Variants in SETD2 observed in about 807,000 individuals in gnomAD.
The protein encoded by SETD2 is histone-lysine N-methyltransferase SETD2.
A neutral mutation model predicts 242.1 loss-of-function variants in SETD2; 31 were observed. The observed-to-expected ratio is 0.13, with a 90% CI of 0.10 to 0.17. The LOEUF (loss-of-function observed/expected upper bound fraction) is 0.17, where lower values mean the gene tolerates loss of function less well. Ranked by LOEUF, SETD2 falls within the 10% of genes least tolerant of loss-of-function variation. The pLI, the probability that SETD2 is intolerant of heterozygous loss-of-function variation, is 1.00. For missense variants in SETD2, 2,481 were observed against 3,046.3 expected (o/e 0.81, Z 4.37); for synonymous variants, 1,006 against 1,066.5 (o/e 0.94, Z 1.11).
rs1171883417 is a variant in SETD2 at position 47,077,543 on chromosome 3, C to A, written c.6060+6177G>T. 2.6e-5 allele frequency among the ~76,000 whole-genome samples: 4 copies of A among 152,096 alleles called. No individual in the cohort carries two copies. The South Asian group carries it at 8.3e-4, about 32-fold the overall frequency. On this transcript the variant is annotated intron_variant, in intron 12 of 20. Coordinates refer to ENST00000409792, the MANE Select transcript of SETD2 (RefSeq NM_014159.7). Reference sequence around the variant, plus strand: ...ATGGTGTCAGATTAACAGATGGAAACAAATGATAGATAATAGAGTGGTGAA... The same window carrying A: ...ATGGTGTCAGATTAACAGATGGAAAAAAATGATAGATAATAGAGTGGTGAA...
intron 18 of SETD2, among the ~76,000 whole-genome samples, chr3:47,029,890 T>G (rs1462058469): frequency 1.3e-5 from 2 of 152,166 alleles, no homozygotes; most frequent in Admixed American, 1.3e-4. Flanking sequence ...GCACGACGAC[T>G]CACACCTGTA....
chr3:47,072,971 AAAG>A (rs2040891180), intron 12 of SETD2, among the ~76,000 whole-genome samples: 2 of 150,820 alleles, frequency 1.3e-5, no homozygotes, highest in Non-Finnish European at 3.0e-5. Flanking sequence ...AGAAAGAAAG[AAAG>A]AAAAAAAAAA....
intron 1 of SETD2, among the ~76,000 whole-genome samples, chr3:47,142,564 C>T (rs2043754875): frequency 6.6e-6 from 1 of 151,702 alleles, no homozygotes; most frequent in Non-Finnish European, 1.5e-5. Flanking sequence ...GTATACTGCT[C>T]CGGAATGTAC....
chr3:47,083,630 T>C lies in SETD2; in HGVS notation c.6060+90A>G, dbSNP rs572793502. On this transcript the variant is annotated intron_variant, in intron 12 of 20. Transcript: ENST00000409792. ...GTATTCCATTTTTCAGAAATATGCA[T>C]GGCTAAAAAAAGTAGTTAATTTTGC... 5 of 1,205,596 alleles carry C rather than the reference T, an allele frequency of 4.1e-6. No individual in the cohort carries two copies. The African/African-American group carries it at 4.6e-5, about 11-fold the overall frequency. The allele number at this position is 1,205,596 out of a possible 1,614,324, so 74.7% of individuals were successfully genotyped here. A position where few individuals can be genotyped will look rare whatever the true frequency, so the allele number is the denominator to read the frequency against.
In SETD2 at chr3:47,122,856, A is replaced by T. The variant is rs2106689172; in HGVS notation, c.1780T>A (p.Cys594Ser). 2 of 1,612,836 alleles carry T rather than the reference A, an allele frequency of 1.2e-6. No homozygotes were observed. The highest frequency in any genetic ancestry group is 1.7e-6 in the Non-Finnish European group (2 of 1,179,416). ...ATTCTTAATTCACTACCTTTTGAACAAGGTGTCTGTAAACTAAAAGAATGA... is the reference window on the plus strand; with the variant it reads ...ATTCTTAATTCACTACCTTTTGAACTAGGTGTCTGTAAACTAAAAGAATGA... ...QSHSFSLQTP[C>S]SKGSELRMIN... Residue 594 changes from cysteine (C) to serine (S), a missense_variant, in exon 3 of 21, where the codon TGT (cysteine) becomes AGT (serine). Physicochemically the swap from Cys to Ser is moderately radical, Grantham distance 112 (BLOSUM62 -1). Transcript: ENST00000409792.
chr3:47,025,696 G>C lies in SETD2; in HGVS notation c.7351-5856C>G, dbSNP rs376922344. On this transcript the variant is annotated intron_variant, in intron 18 of 20. Coordinates refer to ENST00000409792, the MANE Select transcript of SETD2 (RefSeq NM_014159.7). ...TCACCTTATCTACCTAGCATACTCA[G>C]TCCTGGTTACCTATAGGTGAAACTG... Among the ~76,000 whole-genome samples the C allele has an allele frequency of 2.6e-4, 40 of 152,156 alleles. 1 individual carries two copies. The highest frequency in any genetic ancestry group is 4.6e-4 in the Admixed American group (7 of 15,276).
intron 12 of SETD2, among the ~76,000 whole-genome samples, chr3:47,070,174 A>G (rs1369728124): frequency 2.6e-5 from 4 of 152,358 alleles, no homozygotes; most frequent in Middle Eastern, 3.4e-3. Context: ...TTAATGTACC[A>G]CCAGAAACGC....
At chr3:47,044,199 C>T (rs923035795) in intron 16 of SETD2, among the ~76,000 whole-genome samples, 2 of 151,186 alleles carry the variant, frequency 1.3e-5, no homozygotes, top group South Asian at 2.1e-4. Flanking sequence ...AAGTATTAGC[C>T]AGGTGTGGTG....
At chr3:47,156,263 A>T (rs1269948882) in intron 1 of SETD2, among the ~76,000 whole-genome samples, 3 of 152,250 alleles carry the variant, frequency 2.0e-5, no homozygotes, top group Non-Finnish European at 2.9e-5. Context: ...ACTGTAATGT[A>T]TTAAACAAAA....
At chr3:47,055,001 AT>A (rs2039995235) in intron 15 of SETD2, among the ~76,000 whole-genome samples, 1 of 152,166 alleles carries the variant, frequency 6.6e-6, no homozygotes, top group Admixed American at 6.5e-5. Context: ...CCCCATACTT[AT>A]CCCCACTGGC....
At chr3:47,067,024 A>G in intron 13 of SETD2, 46 bp downstream of exon 13, 1 of 1,456,236 alleles carries the variant, frequency 6.9e-7, no homozygotes, top group Non-Finnish European at 9.6e-7. Flanking sequence ...ACATAACAAA[A>G]GAATATTTGT....
intron 9 of SETD2, among the ~76,000 whole-genome samples, chr3:47,094,412 T>C (rs1316598519): frequency 6.6e-6 from 1 of 152,252 alleles, no homozygotes; most frequent in Non-Finnish European, 1.5e-5. Context: ...GGGATGTGGA[T>C]TATAGTGCAA....
intron 12 of SETD2, among the ~76,000 whole-genome samples, chr3:47,073,701 A>ACC: frequency 1.1e-4 from 17 of 152,250 alleles, no homozygotes; most frequent in Non-Finnish European, 2.4e-4. Context: ...GGTGAAGAAT[A>ACC]TGAACAAAGT....
chr3:47,123,612 A>C lies in SETD2; in HGVS notation c.1024T>G (p.Ser342Ala). ...TCTCTTTCCTTTTCAATGCTTGCTG[A>C]AAATTTTAAATCATGTGATCTTTGA... ...SSQRSHDLKF[S>A]ASIEKERDFK... Residue 342 changes from serine (S) to alanine (A), a missense_variant, in exon 3 of 21, where the codon TCA becomes GCA. Coordinates refer to ENST00000409792, the MANE Select transcript of SETD2 (RefSeq NM_014159.7). The C allele has an allele frequency of 6.5e-7, 1 of 1,550,098 alleles. No individual in the cohort carries two copies. The highest frequency in any genetic ancestry group is 8.7e-7 in the Non-Finnish European group (1 of 1,146,722).
chr3:47,126,250 G>A (rs2043323468), intron 2 of SETD2, among the ~76,000 whole-genome samples: 2 of 152,182 alleles, frequency 1.3e-5, no homozygotes, highest in East Asian at 1.9e-4. Context: ...TCAAACTCCT[G>A]ACCTCAAGTG....
At chr3:47,148,989 G>A (rs914516455) in intron 1 of SETD2, among the ~76,000 whole-genome samples, 1 of 152,200 alleles carries the variant, frequency 6.6e-6, no homozygotes, top group South Asian at 2.1e-4. Context: ...TTTGCTGAAT[G>A]ATATTCATAC....
At position 47,121,376 on chromosome 3, in the gene SETD2, G is replaced by A. The variant is rs1260151759; in HGVS notation, c.3260C>T (p.Ser1087Phe). ...TLPMEETSPC[S>F]SRSSQSYRHY... ...TCTATAACTTTGACTGCTCCGAGAA[G>A]AACAAGGACTTGTTTCTTCCATGGG... Residue 1087 changes from serine to phenylalanine, a missense_variant, in exon 3 of 21, where the codon TCT becomes TTT. Around this residue, in one of 17 missense-constraint regions of SETD2, gnomAD observed 1,300 missense variants for 1,259.2 expected, o/e 1.03. Transcript: ENST00000409792. The A allele has an allele frequency of 6.2e-7, 1 of 1,609,824 alleles. No individual in the cohort carries two copies. Among genetic ancestry groups the A allele is most frequent in the Non-Finnish European group, 8.5e-7 (1 of 1,180,002 alleles).
intron 5 of SETD2, among the ~76,000 whole-genome samples, chr3:47,113,579 A>G (rs988985965): frequency 1.3e-5 from 2 of 152,198 alleles, no homozygotes; most frequent in Admixed American, 6.5e-5. Context: ...TCACACCTGT[A>G]ATCCCAGCAC....
chr3:47,101,596 T>G, intron 7 of SETD2, 41 bp from the exon 8 acceptor site: 2 of 985,806 alleles, frequency 2.0e-6, no homozygotes, highest in Non-Finnish European at 3.1e-6. Context: ...AGTAACTTAT[T>G]AGTGTGTGTG....
Sources: allele counts gnomAD v4.1 joint callset (sites outside exome capture counted in the v4.1 genomes callset), GRCh38; gene constraint gnomAD v4.1.1; regional missense constraint gnomAD v4.1.1; transcripts MANE v1.5; gene names NCBI Gene and HGNC (gene_info 2026-07-23, HGNC 2026-07-21).